The following EXTL3 variants were observed in gnomAD, a reference collection of about 807,000 sequenced individuals.
EXTL3 encodes the protein exostosin-like 3.
Under a neutral mutation model 69.3 loss-of-function variants are expected in EXTL3, and 27 were observed. The ratio of observed to expected loss-of-function variants is 0.39; its 90% CI spans 0.29 to 0.54. EXTL3 has a LOEUF of 0.54. EXTL3 is among the 20% of genes least tolerant of loss of function. The probability of loss-of-function intolerance (pLI) is 0.69; values close to 1 mark genes in which losing one functional copy is unlikely to be tolerated. For synonymous variants in EXTL3, 511 were observed against 499.4 expected, an observed-to-expected ratio of 1.02 and a Z score of -0.31; for missense variants, 1,003 against 1,231.8, an observed-to-expected ratio of 0.81 and a Z score of 2.78.
At chr8:28,616,935 C>T (rs139708855) in intron 2 of EXTL3, among the ~76,000 whole-genome samples, 2 of 152,326 alleles carry the variant, frequency 1.3e-5, no homozygotes, top group Admixed American at 6.5e-5. Flanking sequence ...TTCCTTCTTA[C>T]GGTCACGTCT....
In EXTL3 at chr8:28,743,141, A is replaced by G; in HGVS notation, c.2477A>G (p.Asp826Gly). 6.2e-7 allele frequency: 1 copy of G among 1,614,178 alleles called. No homozygotes were observed. Among genetic ancestry groups the G allele is most frequent in the Non-Finnish European group, 8.5e-7 (1 of 1,180,008 alleles). ...CCCCAGGCCATCCGGGACATGGTGG[A>G]TGAATACATCAACTGTGAGGACATT... ...VMPQAIRDMV[D>G]EYINCEDIAM... The change falls in exon 6 of 7, where the codon GAT becomes GGT. Residue 826 changes from aspartate to glycine, a missense_variant. This residue lies in a region of EXTL3 where 261 missense variants were observed against 416.4 expected (regional missense o/e 0.63). Coordinates refer to ENST00000220562, the MANE Select transcript of EXTL3 (RefSeq NM_001440.4).
chr8:28,691,863 C>T (rs868737783), intron 1 of EXTL3, among the ~76,000 whole-genome samples: 28 of 152,126 alleles, frequency 1.8e-4, no homozygotes, highest in African/African-American at 5.8e-4. Flanking sequence ...CACTGTTGCA[C>T]TCCAGCCTGG....
At chr8:28,700,659 AT>A (rs1222921152), upstream of EXTL3, 1 of 152,176 alleles carries the variant, frequency 6.6e-6, no homozygotes, top group Non-Finnish European at 1.5e-5. Context: ...TGTTCTGGGT[AT>A]TAAAAACATT....
At chr8:28,679,761 G>A (rs1807452485) in intron 1 of EXTL3, among the ~76,000 whole-genome samples, 1 of 150,288 alleles carries the variant, frequency 6.7e-6, no homozygotes, top group South Asian at 2.1e-4. Flanking sequence ...GTCCAGCCTT[G>A]TTTACTATGA....
At chr8:28,608,037 G>A (rs1414997058) in intron 2 of EXTL3, among the ~76,000 whole-genome samples, 1 of 151,574 alleles carries the variant, frequency 6.6e-6, no homozygotes, top group Non-Finnish European at 1.5e-5. Context: ...GTGAACCCGG[G>A]AGGCAGAGCT....
intron 5 of EXTL3, chr8:28,742,805 A>C: frequency 2.4e-6 from 1 of 421,434 alleles, no homozygotes; most frequent in Non-Finnish European, 4.5e-6. Flanking sequence ...TAGTTTGACA[A>C]ATCTTTGTAT....
chr8:28,619,276 A>T (rs1182524859), upstream of EXTL3, among the ~76,000 whole-genome samples: 2 of 15,896 alleles, frequency 1.3e-4, no homozygotes, highest in African/African-American at 7.4e-4. Flanking sequence ...TAAAAAAAAA[A>T]AAAAAAAAAA....
At chr8:28,682,182 T>G (rs960052875) in intron 1 of EXTL3, among the ~76,000 whole-genome samples, 2 of 152,258 alleles carry the variant, frequency 1.3e-5, no homozygotes, top group Non-Finnish European at 2.9e-5. Flanking sequence ...ATTTGCATTT[T>G]CCTAATGATT....
chr8:28,676,146 A>G (rs1807379145), intron 1 of EXTL3, among the ~76,000 whole-genome samples: 1 of 152,128 alleles, frequency 6.6e-6, no homozygotes, highest in African/African-American at 2.4e-5. Context: ...GTCTTGGTTT[A>G]ATGTGGAGGA....
chr8:28,663,579 G>A (rs2130627079), intron 1 of EXTL3, among the ~76,000 whole-genome samples: 1 of 152,202 alleles, frequency 6.6e-6, no homozygotes, highest in East Asian at 1.9e-4. Flanking sequence ...AGCCTCCTGA[G>A]TAGCTAGAAT....
chr8:28,633,235 G>A (rs1806598506), intron 1 of EXTL3, among the ~76,000 whole-genome samples: 1 of 152,124 alleles, frequency 6.6e-6, no homozygotes, highest in Non-Finnish European at 1.5e-5. Flanking sequence ...CTACTCAGGA[G>A]GCTGAGGCGG....
At chr8:28,633,407 T>C (rs955382435) in intron 1 of EXTL3, among the ~76,000 whole-genome samples, 1 of 152,000 alleles carries the variant, frequency 6.6e-6, no homozygotes, top group Admixed American at 6.6e-5. Context: ...AATCTCACTT[T>C]GGGAGGCTGA....
In EXTL3 at chr8:28,652,531, A is replaced by G. The variant is rs528342653; in HGVS notation, c.-53+29721A>G. On this transcript the variant is annotated intron_variant, in intron 1 of 6. Transcript: ENST00000523149. Reference sequence around the variant, plus strand: ...TATCTGGCTGTGGTGGTGCATGCCTATGGACTCAGCTACTCAAGAGGCTGA... The same window carrying G: ...TATCTGGCTGTGGTGGTGCATGCCTGTGGACTCAGCTACTCAAGAGGCTGA... 2.6e-4 allele frequency among the ~76,000 whole-genome samples: 40 copies of G among 152,006 alleles called. No homozygotes were observed. The South Asian group carries it at 4.2e-3, about 16-fold the overall frequency.
At chr8:28,724,081 A>G in intron 3 of EXTL3, among the ~76,000 whole-genome samples, 1 of 152,146 alleles carries the variant, frequency 6.6e-6, no homozygotes. Context: ...ATTAAAATAC[A>G]TACAGAATAT....
At chr8:28,670,202 C>A (rs1807263239) in intron 1 of EXTL3, among the ~76,000 whole-genome samples, 1 of 424 alleles carries the variant, frequency 2.4e-3, no homozygotes, top group Admixed American at 0.028. Context: ...GAGTGAGACT[C>A]TGTCTCAAAA....
intron 2 of EXTL3, among the ~76,000 whole-genome samples, chr8:28,615,790 T>G (rs1051221761): frequency 1.3e-5 from 2 of 151,898 alleles, no homozygotes; most frequent in Admixed American, 1.3e-4. Context: ...GCCAGGCTGG[T>G]CTCAAACTCC....
rs1801195353 is a variant in EXTL3, at chr8:28,717,753, C to T, written c.1694C>T (p.Pro565Leu). 1.9e-6 allele frequency: 3 copies of T among 1,614,154 alleles called. No homozygotes were observed. The highest frequency in any genetic ancestry group is 4.5e-5 in the East Asian group (2 of 44,886). ...HRSGKAAGTD[P>L]NMADNGDLDL... ...TCAGGCAAGGCGGCTGGAACTGACC[C>T]CAACATGGCTGACAACGGGGACCTG... Residue 565 changes from proline (P) to leucine (L), a missense_variant, in exon 3 of 7, where the codon CCC (proline) becomes CTC (leucine). Physicochemically the swap from Pro to Leu is moderately conservative, Grantham distance 98. Coordinates refer to ENST00000220562, the MANE Select transcript of EXTL3 (RefSeq NM_001440.4). This position sits in a 1 kb window ranked among gnomAD's most constrained non-coding sequence, Gnocchi z 8.3.
At chr8:28,648,986 G>A (rs1260054189) in intron 1 of EXTL3, among the ~76,000 whole-genome samples, 4 of 151,986 alleles carry the variant, frequency 2.6e-5, no homozygotes, top group Non-Finnish European at 4.4e-5. Flanking sequence ...CTCTGCCTCC[G>A]GGTTCAAGAA....
chr8:28,662,978 G>A (rs1441959953), intron 1 of EXTL3, among the ~76,000 whole-genome samples: 1 of 152,148 alleles, frequency 6.6e-6, no homozygotes, highest in South Asian at 2.1e-4. Flanking sequence ...AAAGTAGATA[G>A]AAATGGAAAT....
Sources: allele counts gnomAD v4.1 joint callset (sites outside exome capture counted in the v4.1 genomes callset), GRCh38; gene constraint gnomAD v4.1.1; regional missense constraint gnomAD v4.1.1; non-coding constraint Gnocchi (gnomAD v3.1); transcripts MANE v1.5; gene names NCBI Gene and HGNC (gene_info 2026-07-23, HGNC 2026-07-21).